The following ANKRD55 variants were observed in gnomAD, a reference collection of about 807,000 sequenced individuals.
ANKRD55 encodes ankyrin repeat domain-containing protein 55.
ANKRD55 carries 41 observed loss-of-function variants against 60.6 expected under a neutral mutation model. The ratio of observed to expected loss-of-function variants is 0.68; its 90% confidence interval spans 0.53 to 0.88. ANKRD55 has a LOEUF of 0.88. Among genes scored for constraint, ANKRD55 ranks in the 40% least tolerant of loss-of-function variants. ANKRD55 has a pLI of 0.00. For missense variants in ANKRD55, 732 were observed against 767.6 expected (o/e 0.95, Z 0.55); for synonymous variants, 264 against 290.3 (o/e 0.91, Z 0.92).
intron 2 of ANKRD55, among the ~76,000 whole-genome samples, chr5:56,232,506 A>G (rs1192850645): frequency 1.3e-5 from 2 of 152,240 alleles, no homozygotes; most frequent in African/African-American, 2.4e-5. Context: ...AGATTTGGAA[A>G]AAACAGAATA....
In ANKRD55 at chr5:56,188,363, T is replaced by A. The variant is rs160931; in HGVS notation, c.59-4729A>T. Among the ~76,000 whole-genome samples, 111 of 143,148 alleles carry A rather than the reference T, an allele frequency of 7.8e-4. 1 individual carries two copies. The highest frequency in any genetic ancestry group is 2.0e-3 in the East Asian group (10 of 4,886). The allele number at this position is 143,148 out of a possible 152,430, so 93.9% of individuals were successfully genotyped here. A position where few individuals can be genotyped will look rare whatever the true frequency, so the allele number is the denominator to read the frequency against. On this transcript the variant is annotated intron_variant, in intron 2 of 11. Coordinates refer to ENST00000341048, the MANE Select transcript of ANKRD55 (RefSeq NM_024669.3). ...TGCCCCCGCAACCCCGCCACCCCCCTACAACCAAAAAAAAAGAAAAAGAAA... is the reference window on the plus strand; with the variant it reads ...TGCCCCCGCAACCCCGCCACCCCCCAACAACCAAAAAAAAAGAAAAAGAAA...
At chr5:56,121,772 C>T (rs10069512) in intron 8 of ANKRD55, among the ~76,000 whole-genome samples, 19,496 of 152,166 alleles carry the variant, frequency 0.13, 2,301 homozygotes, top group African/African-American at 0.31. Flanking sequence ...AGGCTCCCAA[C>T]AAGAAGGTCG....
chr5:56,193,519 C>A (rs1441021021), intron 2 of ANKRD55: 2 of 435,910 alleles, frequency 4.6e-6, no homozygotes, highest in Non-Finnish European at 8.5e-6. Flanking sequence ...CCTCGTTTAT[C>A]ATCTTCATCC....
In ANKRD55 at chr5:56,228,327, G is replaced by T. The variant is rs578195595; in HGVS notation, c.58+4529C>A. On this transcript the variant is annotated intron_variant, in intron 2 of 11. Coordinates refer to ENST00000341048, the MANE Select transcript of ANKRD55 (RefSeq NM_024669.3). ...ATGCACACAGACGAGGCCAAGTGAA[G>T]ATGGTGGCAGAGACCAGAGTGATGA... Among the ~76,000 whole-genome samples, 3 of 152,232 alleles carry T rather than the reference G, an allele frequency of 2.0e-5. No individual in the cohort carries two copies. In the East Asian group the frequency reaches 5.8e-4, roughly 29 times the overall value.
chr5:56,154,958 A>C (rs1447686116), intron 6 of ANKRD55, among the ~76,000 whole-genome samples: 1 of 151,842 alleles, frequency 6.6e-6, no homozygotes. Context: ...CTGGCCAGGC[A>C]TGGTGGTGCA....
rs1017450981 is a variant in ANKRD55, at chr5:56,227,172, G to A, written c.58+5684C>T. Among the ~76,000 whole-genome samples the A allele has an allele frequency of 1.1e-4, 17 of 152,214 alleles. 2 individuals carry two copies. The Middle Eastern group carries it at 0.017, about 152-fold the overall frequency. ...ACTATGCAGCCATAAAAAAGGATGA[G>A]TTCATGTCCTTTGTAAGGACATGGA... On this transcript the variant is annotated intron_variant, in intron 2 of 11. Transcript: ENST00000341048.
chr5:56,140,447 C>A (rs1251889323), intron 7 of ANKRD55, among the ~76,000 whole-genome samples: 1 of 152,122 alleles, frequency 6.6e-6, no homozygotes, highest in Non-Finnish European at 1.5e-5. Flanking sequence ...GTTGTGGACT[C>A]CTTCCTCAGA....
chr5:56,101,991 A>G (rs1756289574), intron 11 of ANKRD55, among the ~76,000 whole-genome samples: 1 of 152,036 alleles, frequency 6.6e-6, no homozygotes, highest in South Asian at 2.1e-4. Flanking sequence ...AAAGGGAGGG[A>G]GTGTTATTTT....
chr5:56,176,965 C>A (rs377352439), intron 3 of ANKRD55, among the ~76,000 whole-genome samples: 127 of 152,236 alleles, frequency 8.3e-4, no homozygotes, highest in Non-Finnish European at 1.5e-3. Context: ...CTTGCCCAGT[C>A]GAGACTTGTG....
At chr5:56,220,464 G>A (rs922544916) in intron 2 of ANKRD55, among the ~76,000 whole-genome samples, 1 of 151,894 alleles carries the variant, frequency 6.6e-6, no homozygotes, top group Non-Finnish European at 1.5e-5. Context: ...CAAAGAAGGG[G>A]GCAGAGAAAG....
intron 4 of ANKRD55, among the ~76,000 whole-genome samples, chr5:56,173,730 G>C (rs1040310435): frequency 6.6e-6 from 1 of 151,480 alleles, no homozygotes; most frequent in African/African-American, 2.4e-5. Context: ...TTTTAGTAGA[G>C]ACAGGGTTTC....
At chr5:56,132,140 C>T (rs989987777) in intron 7 of ANKRD55, among the ~76,000 whole-genome samples, 4 of 151,706 alleles carry the variant, frequency 2.6e-5, no homozygotes, top group Admixed American at 1.3e-4. Flanking sequence ...TTCGCACTAC[C>T]CATGAAGTGG....
chr5:56,187,219 G>C (rs1258055028), intron 2 of ANKRD55, among the ~76,000 whole-genome samples: 4 of 152,216 alleles, frequency 2.6e-5, no homozygotes, highest in African/African-American at 9.6e-5. Flanking sequence ...CCTAAGCCTA[G>C]CTGGGAAGGT....
chr5:56,195,474 C>T (rs1458578238), intron 2 of ANKRD55, among the ~76,000 whole-genome samples: 3 of 152,170 alleles, frequency 2.0e-5, no homozygotes, highest in Admixed American at 6.5e-5. Flanking sequence ...GACAGAGTCT[C>T]ACTCTGTCCC....
At chr5:56,182,861 A>G (rs1758880565) in intron 3 of ANKRD55, among the ~76,000 whole-genome samples, 2 of 152,198 alleles carry the variant, frequency 1.3e-5, no homozygotes, top group South Asian at 4.1e-4. Context: ...TGGCTGGAGT[A>G]GGGACTTATT....
chr5:56,151,810 C>T (rs1253757824), intron 6 of ANKRD55, among the ~76,000 whole-genome samples: 1 of 102,850 alleles, frequency 9.7e-6, no homozygotes, highest in Non-Finnish European at 2.0e-5. Flanking sequence ...GAGACCACAT[C>T]TCGGAAAAAA....
intron 7 of ANKRD55, among the ~76,000 whole-genome samples, chr5:56,140,935 T>C (rs1197226399): frequency 6.6e-6 from 1 of 152,000 alleles, no homozygotes; most frequent in East Asian, 1.9e-4. Flanking sequence ...TGGTGGTGTG[T>C]GCCTGTAATT....
chr5:56,141,139 T>G (rs932339225), intron 7 of ANKRD55, among the ~76,000 whole-genome samples: 4 of 149,004 alleles, frequency 2.7e-5, no homozygotes, highest in South Asian at 2.1e-4. Flanking sequence ...AGTTTTTTTT[T>G]TTTTTTTTTT....
At chr5:56,216,074 T>C (rs1759799626) in intron 2 of ANKRD55, among the ~76,000 whole-genome samples, 3 of 150,492 alleles carry the variant, frequency 2.0e-5, no homozygotes, top group Non-Finnish European at 1.5e-5. Flanking sequence ...ATGTATTGCT[T>C]GAATTTTTTG....
Sources: allele counts gnomAD v4.1 joint callset (sites outside exome capture counted in the v4.1 genomes callset), GRCh38; gene constraint gnomAD v4.1.1; transcripts MANE v1.5; gene names NCBI Gene and HGNC (gene_info 2026-07-23, HGNC 2026-07-21).